AGPAT5: variants seen among roughly 807,000 people sequenced by gnomAD.
AGPAT5 encodes 1-acyl-sn-glycerol-3-phosphate acyltransferase epsilon.
A neutral mutation model predicts 45.6 loss-of-function variants in AGPAT5; 46 were observed. That is an observed-to-expected ratio of 1.01 (90% CI 0.80 to 1.29). AGPAT5 has a LOEUF of 1.29. AGPAT5 is among the 50% of genes most tolerant of loss of function. The pLI, the probability that AGPAT5 is intolerant of heterozygous loss-of-function variation, is 0.00. For missense variants in AGPAT5, 673 were observed against 450.7 expected (o/e 1.49, Z -4.47); for synonymous variants, 272 against 167.0 (o/e 1.63, Z -4.85).
chr8:6,732,171 A>G (rs1229822936), intron 3 of AGPAT5, among the ~76,000 whole-genome samples: 7 of 61,486 alleles, frequency 1.1e-4, no homozygotes, highest in Admixed American at 3.6e-4. Flanking sequence ...ATCCCTAAAG[A>G]TCGTGAGACA....
chr8:6,749,918 C>T (rs1220139550), intron 6 of AGPAT5, among the ~76,000 whole-genome samples: 1 of 152,224 alleles, frequency 6.6e-6, no homozygotes, highest in Non-Finnish European at 1.5e-5. Flanking sequence ...GAATGCGTTC[C>T]AGCCGTGATC....
At position 6,744,519 on chromosome 8, in the gene AGPAT5, G is replaced by C. The variant is rs564996959; in HGVS notation, c.586+2768G>C. Among the ~76,000 whole-genome samples the C allele has an allele frequency of 8.5e-5, 13 of 152,256 alleles. No individual in the cohort carries two copies. The South Asian group carries it at 2.1e-3, about 24-fold the overall frequency. On this transcript the variant is annotated intron_variant, in intron 5 of 7. Transcript: ENST00000285518. Reference sequence around the variant, plus strand: ...GGCTGCAGTCCTTTGTGGAGGCTTGGGGGGATCTTGTTCTCCTGTACGGGG... The same window carrying C: ...GGCTGCAGTCCTTTGTGGAGGCTTGCGGGGATCTTGTTCTCCTGTACGGGG...
intron 1 of AGPAT5, 86 bp downstream of exon 1, chr8:6,708,973 G>A: frequency 7.3e-7 from 1 of 1,362,754 alleles, no homozygotes; most frequent in Non-Finnish European, 1.0e-6. Context: ...GCTGGCGAGG[G>A]TCACCCGGCC....
At chr8:6,709,214 G>A (rs1800051653) in intron 1 of AGPAT5, 2 of 390,856 alleles carry the variant, frequency 5.1e-6, no homozygotes, top group Non-Finnish European at 9.6e-6. Context: ...AGCAGTTTCT[G>A]GCCTTTGGTC....
At chr8:6,750,273 G>A (rs1237359663) in intron 6 of AGPAT5, among the ~76,000 whole-genome samples, 1 of 152,210 alleles carries the variant, frequency 6.6e-6, no homozygotes, top group Non-Finnish European at 1.5e-5. Context: ...CCTTGAGGAA[G>A]CCAAAACCTT....
intron 2 of AGPAT5, among the ~76,000 whole-genome samples, chr8:6,725,623 T>G (rs1219082573): frequency 6.6e-6 from 1 of 152,212 alleles, no homozygotes; most frequent in African/African-American, 2.4e-5. Context: ...CAGGAAATTG[T>G]CATTGGGTAA....
At chr8:6,714,287 G>C (rs1005498337) in intron 1 of AGPAT5, among the ~76,000 whole-genome samples, 58 of 152,186 alleles carry the variant, frequency 3.8e-4, no homozygotes, top group African/African-American at 1.4e-3. Context: ...GTAGGTGTGG[G>C]TGTGTTTCTG....
intron 5 of AGPAT5, chr8:6,745,998 C>T (rs1050408872): frequency 2.7e-5 from 4 of 149,248 alleles, no homozygotes; most frequent in Non-Finnish European, 5.9e-5. Flanking sequence ...CTTTTCTTTC[C>T]CTCCCTCCCT....
chr8:6,717,173 A>G (rs550857938), intron 1 of AGPAT5, among the ~76,000 whole-genome samples: 1 of 152,202 alleles, frequency 6.6e-6, no homozygotes, highest in Non-Finnish European at 1.5e-5. Flanking sequence ...TACTTTTTGT[A>G]ATTTTTGAGC....
At chr8:6,732,764 A>G (rs1055451339) in intron 4 of AGPAT5, 114 bp downstream of exon 4, 2 of 942,192 alleles carry the variant, frequency 2.1e-6, no homozygotes, top group African/African-American at 3.4e-5. Flanking sequence ...GTAATTACTA[A>G]TTCAGGGTTA....
At chr8:6,716,639 G>T (rs1411006713) in intron 1 of AGPAT5, among the ~76,000 whole-genome samples, 1 of 152,130 alleles carries the variant, frequency 6.6e-6, no homozygotes, top group East Asian at 1.9e-4. Context: ...TTCGAGATCA[G>T]CCTGACCAAC....
In AGPAT5 at chr8:6,730,732, T is replaced by C; in HGVS notation, c.311T>C (p.Ile104Thr). 6.2e-7 allele frequency: 1 copy of C among 1,613,318 alleles called. No homozygotes were observed. Among genetic ancestry groups the C allele is most frequent in the Non-Finnish European group, 8.5e-7 (1 of 1,179,438 alleles). The change falls in exon 3 of 8, where the codon ATC (isoleucine) becomes ACC (threonine). Residue 104 changes from isoleucine to threonine, a missense_variant. Ile to Thr is a moderately conservative substitution (Grantham distance 89, BLOSUM62 -1). Coordinates refer to ENST00000285518, the MANE Select transcript of AGPAT5 (RefSeq NM_018361.5). The part of the protein sequence containing the change: ...QSTVDWIVAD[I>T]LAIRQNALGH... ...GCAGTTGACTGGATTGTTGCTGACA[T>C]CTTGGCCATCAGGCAGAATGCGCTA...
At chr8:6,742,061 G>C (rs764771398) in intron 5 of AGPAT5, among the ~76,000 whole-genome samples, 1 of 152,110 alleles carries the variant, frequency 6.6e-6, no homozygotes, top group Non-Finnish European at 1.5e-5. Context: ...ACAGTGTATG[G>C]GTTATATGTA....
At position 6,757,300 on chromosome 8, in the gene AGPAT5, T is replaced by C; in HGVS notation, c.1007T>C (p.Leu336Pro). 1 of 1,614,214 alleles carries C rather than the reference T, an allele frequency of 6.2e-7. No homozygotes were observed. Among genetic ancestry groups the C allele is most frequent in the Non-Finnish European group, 8.5e-7 (1 of 1,180,032 alleles). Residue 336 changes from leucine (L) to proline (P), a missense_variant, in exon 8 of 8, where the codon CTT becomes CCT. Coordinates refer to ENST00000285518, the MANE Select transcript of AGPAT5 (RefSeq NM_018361.5). ...LILSGLTAGM[L>P]MTDAGRKLYV... ...TTAAGTGGTTTGACTGCAGGCATGC[T>C]TATGACCGATGCTGGAAGGAAGCTG... is the stretch of plus-strand genomic sequence containing the variant.
chr8:6,747,864 G>A (rs372979832), intron 6 of AGPAT5, 36 bp downstream of exon 6: 36 of 1,595,936 alleles, frequency 2.3e-5, no homozygotes, highest in African/African-American at 1.5e-4. Context: ...GCCTGTACAC[G>A]GTATATACAG....
rs1201586782 is a variant in AGPAT5, at chr8:6,761,149, A to G, written c.*3761A>G. Among the ~76,000 whole-genome samples, 1 of 152,204 alleles carries G rather than the reference A, an allele frequency of 6.6e-6. No homozygotes were observed. Among genetic ancestry groups the G allele is most frequent in the African/African-American group, 2.4e-5 (1 of 41,444 alleles). Reference sequence around the variant, plus strand: ...GGAAAAGGTTATTTTTAGGAAAACCACTTCAAATAGAAAGCTGAAGTACTT... The same window carrying G: ...GGAAAAGGTTATTTTTAGGAAAACCGCTTCAAATAGAAAGCTGAAGTACTT... On this transcript the variant is annotated 3_prime_UTR_variant, in exon 8 of 8. Transcript: ENST00000285518.
chr8:6,726,468 G>T (rs1800690919), intron 2 of AGPAT5, among the ~76,000 whole-genome samples: 1 of 152,118 alleles, frequency 6.6e-6, no homozygotes, highest in Admixed American at 6.5e-5. Flanking sequence ...TCGATTAATA[G>T]AGCTCTCTAG....
chr8:6,744,208 A>G (rs190338443), intron 5 of AGPAT5, among the ~76,000 whole-genome samples: 24 of 152,328 alleles, frequency 1.6e-4, no homozygotes, highest in African/African-American at 5.3e-4. Context: ...AAGAGATACA[A>G]ATGACCCACA....
Position 6,759,791 on chromosome 8 carries a change from A to T in AGPAT5, c.*2403A>T, listed in dbSNP as rs978265987. ...TTCCCTAAGCTTTGAGCAAAGTTTTAAAAAAATACACTAAAATAATCAAAA... is the reference window on the plus strand; with the variant it reads ...TTCCCTAAGCTTTGAGCAAAGTTTTTAAAAAATACACTAAAATAATCAAAA... On this transcript the variant is annotated 3_prime_UTR_variant, in exon 8 of 8. Transcript: ENST00000285518. 8 of 152,192 alleles carry T rather than the reference A, an allele frequency of 5.3e-5. No homozygotes were observed. The highest frequency in any genetic ancestry group is 8.8e-5 in the Non-Finnish European group (6 of 68,040). 9.4% of individuals were successfully genotyped at this position (152,192 alleles called of 1,614,324 possible).
Sources: gnomAD v4.1 joint callset for allele counts (sites outside exome capture counted in the v4.1 genomes callset) on GRCh38, gnomAD v4.1.1 for gene constraint, MANE v1.5 for transcripts, NCBI Gene and HGNC (gene_info 2026-07-23, HGNC 2026-07-21) for gene names.